METTL5: variants seen among roughly 807,000 people sequenced by gnomAD.
METTL5 encodes the protein methyltransferase 5, N6-adenosine.
A neutral mutation model predicts 26.5 loss-of-function variants in METTL5; 28 were observed. The observed-to-expected ratio is 1.06, with a 90% CI of 0.78 to 1.45. The LOEUF (loss-of-function observed/expected upper bound fraction) is 1.45, where lower values mean the gene tolerates loss of function less well. Among genes scored for constraint, METTL5 ranks in the 40% most tolerant of loss-of-function variants. The probability of loss-of-function intolerance (pLI) is 0.00; values close to 1 mark genes in which losing one functional copy is unlikely to be tolerated. For missense variants in METTL5, 231 were observed against 249.9 expected (o/e 0.92, Z 0.51); for synonymous variants, 86 against 82.6 (o/e 1.04, Z -0.22).
chr2:169,818,119 G>A (rs1363693799), intron 4 of METTL5, among the ~76,000 whole-genome samples: 1 of 152,136 alleles, frequency 6.6e-6, no homozygotes, highest in Non-Finnish European at 1.5e-5. Context: ...TTCCTACTGG[G>A]AGTCTAGAAT....
At chr2:169,814,475 A>AAAAAAAAAAAAAAAAG (rs1053940496) in intron 5 of METTL5, among the ~76,000 whole-genome samples, 7 of 149,292 alleles carry the variant, frequency 4.7e-5, no homozygotes, top group Admixed American at 1.3e-4. Flanking sequence ...TCTCAAAAAA[A>AAAAAAAAAAAAAAAAG]AAAAAAGAAA....
chr2:169,816,452 A>G (rs927608418), intron 4 of METTL5, among the ~76,000 whole-genome samples: 2 of 152,196 alleles, frequency 1.3e-5, no homozygotes, highest in Non-Finnish European at 2.9e-5. Context: ...AAACTACTTT[A>G]AATTTCATAT....
chr2:169,816,016 A>G (rs952411472), intron 4 of METTL5, among the ~76,000 whole-genome samples: 5 of 152,214 alleles, frequency 3.3e-5, no homozygotes, highest in Admixed American at 6.5e-5. Context: ...CTATAACCAC[A>G]GAGCCTCGGT....
chr2:169,823,213 G>T (rs767504782), intron 1 of METTL5, among the ~76,000 whole-genome samples: 1 of 151,888 alleles, frequency 6.6e-6, no homozygotes, highest in African/African-American at 2.4e-5. Flanking sequence ...TCCTGGGCTC[G>T]TCATCCTCTT....
chr2:169,821,294 CAA>C (rs760634609), intron 2 of METTL5, 21 bp from the exon 3 acceptor site: 311 of 1,530,210 alleles, frequency 2.0e-4, no homozygotes, highest in Admixed American at 4.3e-4. Context: ...AAAACACATA[CAA>C]AGAGTGGCGA....
intron 3 of METTL5, 56 bp downstream of exon 3, chr2:169,821,036 A>T: frequency 7.0e-7 from 1 of 1,437,076 alleles, no homozygotes; most frequent in Non-Finnish European, 9.4e-7. Context: ...GGCCTTAAAA[A>T]TGGTTTTAAA....
Position 169,824,756 on chromosome 2 carries a change from G to T in METTL5, c.-159C>A. ...CGCCCTAAGGAGACGCCCGGACGCA[G>T]GGCACGGGGCGAGCCTCTGACCCAC... On this transcript the variant is annotated 5_prime_UTR_variant, in exon 1 of 7. It adds an upstream start codon to the 5' untranslated region. Transcript: ENST00000260953. 1 of 598,266 alleles carries T rather than the reference G, an allele frequency of 1.7e-6. No homozygotes were observed. The highest frequency in any genetic ancestry group is 3.0e-6 in the Non-Finnish European group (1 of 337,588). 37.1% of individuals were successfully genotyped at this position (598,266 alleles called of 1,614,324 possible).
At chr2:169,822,454 T>TA (rs1195043654) in intron 1 of METTL5, among the ~76,000 whole-genome samples, 3 of 152,334 alleles carry the variant, frequency 2.0e-5, no homozygotes, top group Admixed American at 6.5e-5. Flanking sequence ...AAATAGTTTT[T>TA]AAAAAAATCC....
chr2:169,821,244 T>C lies in METTL5; in HGVS notation c.254A>G (p.Asp85Gly), dbSNP rs911821262. Residue 85 changes from aspartate (D) to glycine (G), a missense_variant, in exon 3 of 7, where the codon GAC (aspartate) becomes GGC (glycine). Coordinates refer to ENST00000260953, the MANE Select transcript of METTL5 (RefSeq NM_014168.4). The stretch of plus-strand genomic sequence containing the variant: ...ATTCCTATTAAATATTTCCAATGCG[T>C]CTTCATCTATGTCAAATCCAACACA... Reference protein sequence around the residue: ...GLCVGFDIDEDALEIFNRNAE... With the variant: ...GLCVGFDIDEGALEIFNRNAE... 3.1e-6 allele frequency: 5 copies of C among 1,609,776 alleles called. No homozygotes were observed. The highest frequency in any genetic ancestry group is 4.2e-6 in the Non-Finnish European group (5 of 1,178,616).
In METTL5 at chr2:169,821,296, A is replaced by G. The variant is rs938247832; in HGVS notation, c.225-23T>C. 3 of 1,528,406 alleles carry G rather than the reference A, an allele frequency of 2.0e-6. No individual in the cohort carries two copies. In the African/African-American group the frequency reaches 4.2e-5, roughly 22 times the overall value. The allele number at this position is 1,528,406 out of a possible 1,614,324, so 94.7% of individuals were successfully genotyped here. A position where few individuals can be genotyped will look rare whatever the true frequency, so the allele number is the denominator to read the frequency against. On this transcript the variant is annotated intron_variant, in intron 2 of 6. Coordinates refer to ENST00000260953, the MANE Select transcript of METTL5 (RefSeq NM_014168.4). ...AACCTATAAATACAAAACACATACA[A>G]AGAGTGGCGACTTATAGCTCCCAAG...
rs184306428 is a variant in METTL5 at position 169,820,360 on chromosome 2, T to G, written c.407-717A>C. Among the ~76,000 whole-genome samples the G allele has an allele frequency of 6.0e-4, 92 of 152,300 alleles. No individual in the cohort carries two copies. The Middle Eastern group carries it at 0.017, about 28-fold the overall frequency. The stretch of plus-strand genomic sequence containing the variant: ...TGAGTCACTGTTACTGATGGGCACA[T>G]GTAGAAACCCTTGGGTCTGTTAAGA... On this transcript the variant is annotated intron_variant, in intron 3 of 6. Coordinates refer to ENST00000260953, the MANE Select transcript of METTL5 (RefSeq NM_014168.4).
At position 169,813,336 on chromosome 2, in the gene METTL5, A is replaced by G. The variant is rs187948573; in HGVS notation, c.542-830T>C. 2.3e-3 allele frequency among the ~76,000 whole-genome samples: 352 copies of G among 151,530 alleles called. 1 individual carries two copies. Among genetic ancestry groups the G allele is most frequent in the African/African-American group, 7.6e-3 (313 of 41,330 alleles). ...AGTAGAGACAGGGTTTCACTATGTT[A>G]GCCAGGATGGTCTTGATCTCCTGAC... is the stretch of plus-strand genomic sequence containing the variant. On this transcript the variant is annotated intron_variant, in intron 5 of 6. Transcript: ENST00000260953.
intron 4 of METTL5, among the ~76,000 whole-genome samples, chr2:169,818,314 G>T (rs2081538717): frequency 6.6e-6 from 1 of 152,160 alleles, no homozygotes; most frequent in Non-Finnish European, 1.5e-5. Context: ...GCCTGGCCCT[G>T]GTTTACCCCA....
intron 4 of METTL5, among the ~76,000 whole-genome samples, chr2:169,819,281 C>T (rs2081551566): frequency 6.6e-6 from 1 of 152,138 alleles, no homozygotes. Context: ...GAAACCAAAA[C>T]ATACAGTAAT....
intron 6 of METTL5, chr2:169,812,129 A>G (rs1689983827): frequency 1.4e-5 from 8 of 560,384 alleles, no homozygotes; most frequent in South Asian, 7.1e-5. Context: ...AATATTAGCT[A>G]TTGACGATGG....
Position 169,811,769 on chromosome 2 carries a change from A to T in METTL5, c.*51T>A. 6.2e-7 allele frequency: 1 copy of T among 1,613,018 alleles called. No homozygotes were observed. Among genetic ancestry groups the T allele is most frequent in the Non-Finnish European group, 8.5e-7 (1 of 1,179,672 alleles). The stretch of plus-strand genomic sequence containing the variant: ...TGGAGACCAGTAGTTTAGTAAACCA[A>T]TTTTTTATTCATTTTAAATAGGTTT... On this transcript the variant is annotated 3_prime_UTR_variant, in exon 7 of 7. Coordinates refer to ENST00000260953, the MANE Select transcript of METTL5 (RefSeq NM_014168.4).
intron 1 of METTL5, 55 bp from the exon 2 acceptor site, chr2:169,822,112 T>C: frequency 6.4e-7 from 1 of 1,564,292 alleles, no homozygotes; most frequent in Non-Finnish European, 8.6e-7. Flanking sequence ...AAAATCTAAT[T>C]TGTGCAAATG....
rs933926444 is a variant in METTL5, at chr2:169,817,789, T to G, written c.489+1772A>C. Among the ~76,000 whole-genome samples, 8 of 151,848 alleles carry G rather than the reference T, an allele frequency of 5.3e-5. No homozygotes were observed. In the South Asian group the frequency reaches 6.3e-4, roughly 12 times the overall value. Reference sequence around the variant, plus strand: ...GGGGGGTGGGGGGCTGGCGGAGAGATAGCATTAGGAGAAATACCTAATGTA... The same window carrying G: ...GGGGGGTGGGGGGCTGGCGGAGAGAGAGCATTAGGAGAAATACCTAATGTA... On this transcript the variant is annotated intron_variant, in intron 4 of 6. Transcript: ENST00000260953.
intron 2 of METTL5, among the ~76,000 whole-genome samples, 164 bp downstream of exon 2, chr2:169,821,779 T>G (rs971227942): frequency 6.6e-6 from 1 of 152,190 alleles, no homozygotes; most frequent in African/African-American, 2.4e-5. Context: ...ATTTAATTTT[T>G]GTAGTTTGTT....
Sources: allele counts gnomAD v4.1 joint callset (sites outside exome capture counted in the v4.1 genomes callset), GRCh38; gene constraint gnomAD v4.1.1; transcripts MANE v1.5; gene names NCBI Gene and HGNC (gene_info 2026-07-23, HGNC 2026-07-21).